The following GLIS3 variants were observed in gnomAD, a reference collection of about 807,000 sequenced individuals.
The protein encoded by GLIS3 is zinc finger protein GLIS3.
A neutral mutation model predicts 78.6 loss-of-function variants in GLIS3; 53 were observed. The ratio of observed to expected loss-of-function variants is 0.67; its 90% CI spans 0.54 to 0.85. The LOEUF is 0.85. Ranked by LOEUF, GLIS3 falls within the 40% of genes least tolerant of loss-of-function variation. GLIS3 has a pLI of 0.00. For missense variants in GLIS3, 1,703 were observed against 1,231.1 expected (o/e 1.38, Z -5.74); for synonymous variants, 684 against 509.9 (o/e 1.34, Z -4.60).
chr9:4,325,803 G>A (rs13301682), intron 2 of GLIS3, among the ~76,000 whole-genome samples: 23,491 of 152,042 alleles, frequency 0.15, 1,814 homozygotes, highest in East Asian at 0.21. Context: ...AATCAACCTA[G>A]ATGCCCATCA....
intron 9 of GLIS3, among the ~76,000 whole-genome samples, chr9:3,838,672 C>G (rs371537800): frequency 6.6e-6 from 1 of 152,276 alleles, no homozygotes; most frequent in South Asian, 2.1e-4. Flanking sequence ...CTCTCAATCA[C>G]TAATGGTAGT....
intron 2 of GLIS3, among the ~76,000 whole-genome samples, chr9:4,204,612 G>A (rs956807764): frequency 6.6e-6 from 1 of 152,086 alleles, no homozygotes; most frequent in African/African-American, 2.4e-5. Context: ...GATACCAAGA[G>A]AGTCAAGTAT....
chr9:4,370,987 G>A, the GLIS3 span, among the ~76,000 whole-genome samples: 2 of 152,180 alleles, frequency 1.3e-5, no homozygotes, highest in Admixed American at 1.3e-4. Flanking sequence ...TTAAGCTACT[G>A]AAGATGTGAG....
intron 1 of GLIS3, among the ~76,000 whole-genome samples, chr9:4,289,275 A>C (rs1403046230): frequency 6.6e-6 from 1 of 152,174 alleles, no homozygotes. Context: ...AATTTAGAAA[A>C]GAAAGACTAT....
chr9:4,390,244 G>A, the GLIS3 span, among the ~76,000 whole-genome samples: 2 of 152,242 alleles, frequency 1.3e-5, no homozygotes, highest in Non-Finnish European at 2.9e-5. Context: ...TCTATGTATT[G>A]AGAGCAATCA....
intron 4 of GLIS3, among the ~76,000 whole-genome samples, chr9:3,968,289 G>A (rs532907831): frequency 2.0e-5 from 3 of 152,244 alleles, no homozygotes; most frequent in African/African-American, 7.2e-5. Flanking sequence ...GTGGAGATAC[G>A]GTAAATGCTT....
intron 4 of GLIS3, among the ~76,000 whole-genome samples, chr9:3,938,994 T>G (rs528659771): frequency 1.3e-5 from 2 of 152,208 alleles, no homozygotes; most frequent in Non-Finnish European, 2.9e-5. Flanking sequence ...GAGCTCAGTT[T>G]ATTTGACTTG....
chr9:4,329,006 A>G (rs889949816), intron 2 of GLIS3, among the ~76,000 whole-genome samples: 2 of 152,216 alleles, frequency 1.3e-5, no homozygotes, highest in African/African-American at 4.8e-5. Context: ...AGCATTTGTT[A>G]CAAAAGGCTT....
chr9:3,856,157 G>C lies in GLIS3; in HGVS notation c.2325C>G (p.His775Gln), dbSNP rs780948928. The C allele has an allele frequency of 6.2e-7, 1 of 1,614,092 alleles. No homozygotes were observed. The highest frequency in any genetic ancestry group is 1.3e-5 in the African/African-American group (1 of 75,042). The change falls in exon 9 of 11, where the codon CAC (histidine) becomes CAG (glutamine). Residue 775 changes from histidine (H) to glutamine (Q), a missense_variant. Coordinates refer to ENST00000381971, the MANE Select transcript of GLIS3 (RefSeq NM_001042413.2). ...CTGGAACTCTCCGGGGGCTGATGTG[G>C]TGAGGAGATGGAGCAGAAGGTGCAA... ...ERFAPSAPSP[H>Q]HISPRRVPAP...
In GLIS3 at chr9:3,977,888, G is replaced by A. The variant is rs561705436; in HGVS notation, c.1711-40699C>T. 1.1e-4 allele frequency among the ~76,000 whole-genome samples: 17 copies of A among 152,286 alleles called. No homozygotes were observed. The highest frequency in any genetic ancestry group is 3.3e-4 in the Admixed American group (5 of 15,292). ...GTGAGGAGGTCTAATTTCACACCACGCAGCAATGAAATGCTGCTAACTTTT... is the reference window on the plus strand; with the variant it reads ...GTGAGGAGGTCTAATTTCACACCACACAGCAATGAAATGCTGCTAACTTTT... On this transcript the variant is annotated intron_variant, in intron 4 of 10. Transcript: ENST00000381971. This position sits in a 1 kb window ranked among gnomAD's most constrained non-coding sequence, Gnocchi z 4.1.
intron 2 of GLIS3, among the ~76,000 whole-genome samples, chr9:4,208,584 G>A (rs75542443): frequency 0.025 from 3,781 of 152,296 alleles, 169 homozygotes; most frequent in African/African-American, 0.086. Flanking sequence ...TGGGAGAGGG[G>A]ATTTTACAAT....
intron 4 of GLIS3, among the ~76,000 whole-genome samples, chr9:3,980,816 C>A (rs547263537): frequency 4.0e-5 from 6 of 148,488 alleles, no homozygotes; most frequent in Admixed American, 4.0e-4. Flanking sequence ...ACTGACTTTT[C>A]TTCTTCTTCT....
chr9:4,191,559 A>C (rs1021518572), intron 2 of GLIS3, among the ~76,000 whole-genome samples: 1 of 152,222 alleles, frequency 6.6e-6, no homozygotes, highest in African/African-American at 2.4e-5. Flanking sequence ...GTTTCTGAAT[A>C]CCATGTCTTA....
intron 2 of GLIS3, among the ~76,000 whole-genome samples, chr9:4,167,648 G>C (rs1288541704): frequency 1.3e-5 from 2 of 152,152 alleles, no homozygotes; most frequent in African/African-American, 4.8e-5. Context: ...ACTTATTCAA[G>C]GTGTACACGT....
chr9:4,227,922 G>C (rs1821914781), intron 2 of GLIS3, among the ~76,000 whole-genome samples: 2 of 152,212 alleles, frequency 1.3e-5, no homozygotes, highest in Admixed American at 6.5e-5. Flanking sequence ...GGTGGCATCG[G>C]AATGTACTTT....
intron 8 of GLIS3, among the ~76,000 whole-genome samples, chr9:3,868,814 T>TTTGTATACAACACTTGTTGTACATAGTG (rs57206406): frequency 3.3e-5 from 5 of 151,498 alleles, no homozygotes; most frequent in African/African-American, 1.2e-4. Flanking sequence ...CTTCTTAGCT[T>TTTGTATACAACACTTGTTGTACATAGTG]TTGTATACAA....
At chr9:4,199,996 C>T (rs1819218844) in intron 2 of GLIS3, among the ~76,000 whole-genome samples, 1 of 152,032 alleles carries the variant, frequency 6.6e-6, no homozygotes, top group Non-Finnish European at 1.5e-5. Flanking sequence ...GAAATCAATA[C>T]CAAGAAGACC....
intron 4 of GLIS3, among the ~76,000 whole-genome samples, chr9:3,997,374 A>G (rs1408988058): frequency 6.6e-6 from 1 of 151,772 alleles, no homozygotes; most frequent in African/African-American, 2.4e-5. Flanking sequence ...TAAAAATAAA[A>G]ATAAAATAAA....
At chr9:3,995,613 G>A (rs554220559) in intron 4 of GLIS3, among the ~76,000 whole-genome samples, 1 of 151,896 alleles carries the variant, frequency 6.6e-6, no homozygotes, top group South Asian at 2.1e-4. Context: ...TGACCAAGAA[G>A]TTTTAAAAAA....
Sources: gnomAD v4.1 joint callset for allele counts (sites outside exome capture counted in the v4.1 genomes callset) on GRCh38, gnomAD v4.1.1 for gene constraint, Gnocchi (gnomAD v3.1) non-coding constraint, MANE v1.5 for transcripts, NCBI Gene and HGNC (gene_info 2026-07-23, HGNC 2026-07-21) for gene names.